TTI1: variants seen among roughly 807,000 people sequenced by gnomAD.
TTI1 encodes the protein TELO2-interacting protein 1 homolog.
TTI1 carries 52 observed loss-of-function variants against 85.4 expected under a neutral mutation model. The observed-to-expected ratio is 0.61, with a 90% CI of 0.49 to 0.77. TTI1 has a LOEUF of 0.77. TTI1 is among the 30% of genes least tolerant of loss of function. The pLI, the probability that TTI1 is intolerant of heterozygous loss-of-function variation, is 0.00. For missense variants in TTI1, 1,173 were observed against 1,296.0 expected (o/e 0.91, Z 1.46); for synonymous variants, 512 against 503.9 (o/e 1.02, Z -0.22).
rs148156705 is a variant in TTI1 at position 37,988,981 on chromosome 20, C to T, written c.3087-5342G>A. Among the ~76,000 whole-genome samples the T allele has an allele frequency of 6.8e-3, 1,034 of 152,258 alleles. 10 individuals are homozygous for T. Among genetic ancestry groups the T allele is most frequent in the African/African-American group, 0.023 (961 of 41,538 alleles). On this transcript the variant is annotated intron_variant, in intron 7 of 7. Transcript: ENST00000373447. Reference sequence around the variant, plus strand: ...TGCTCAGGGTGTTGATGCGTCCTAGCCAGCAAGCAGTGGGGCTATGTTTCT... The same window carrying T: ...TGCTCAGGGTGTTGATGCGTCCTAGTCAGCAAGCAGTGGGGCTATGTTTCT...
Position 38,004,779 on chromosome 20 carries a change from T to C in TTI1, c.2503+1418A>G, listed in dbSNP as rs966357969. ...AACTAACACCAGAAGATCCTAATCATGAAGGAATGGATTCACTGACAGTGC... is the reference window on the plus strand; with the variant it reads ...AACTAACACCAGAAGATCCTAATCACGAAGGAATGGATTCACTGACAGTGC... On this transcript the variant is annotated intron_variant, in intron 3 of 7. Coordinates refer to ENST00000373447, the MANE Select transcript of TTI1 (RefSeq NM_001303457.2). 2.6e-5 allele frequency among the ~76,000 whole-genome samples: 4 copies of C among 152,236 alleles called. No homozygotes were observed. In the South Asian group the frequency reaches 6.2e-4, roughly 24 times the overall value.
At chr20:38,010,251 T>A (rs986639011) in intron 2 of TTI1, among the ~76,000 whole-genome samples, 7 of 152,188 alleles carry the variant, frequency 4.6e-5, no homozygotes, top group Non-Finnish European at 8.8e-5. Context: ...ATGAGAATGT[T>A]TCTTACAAGG....
At chr20:38,025,998 G>A (rs1306955981) in intron 1 of TTI1, among the ~76,000 whole-genome samples, 1 of 152,134 alleles carries the variant, frequency 6.6e-6, no homozygotes, top group African/African-American at 2.4e-5. Flanking sequence ...AATAATGGCT[G>A]AAAACGCCAC....
chr20:37,983,411 G>A lies in TTI1; in HGVS notation c.*45C>T. 6.3e-7 allele frequency: 1 copy of A among 1,580,868 alleles called. No individual in the cohort carries two copies. The highest frequency in any genetic ancestry group is 8.6e-7 in the Non-Finnish European group (1 of 1,166,140). ...GGTGGGGTCAGCCCAGCTTCTGGCT[G>A]GCAGTAGGGGAGGGATCGGTGGCCT... On this transcript the variant is annotated 3_prime_UTR_variant, in exon 8 of 8. Coordinates refer to ENST00000373447, the MANE Select transcript of TTI1 (RefSeq NM_001303457.2).
At chr20:38,005,159 A>T (rs997654224) in intron 3 of TTI1, among the ~76,000 whole-genome samples, 11 of 152,204 alleles carry the variant, frequency 7.2e-5, no homozygotes, top group Non-Finnish European at 1.5e-4. Flanking sequence ...AAAAGGAGGA[A>T]AAAAACAAAA....
At chr20:37,995,608 C>A (rs2073327342) in intron 7 of TTI1, among the ~76,000 whole-genome samples, 1 of 152,248 alleles carries the variant, frequency 6.6e-6, no homozygotes, top group Non-Finnish European at 1.5e-5. Context: ...AGGCTGCTCC[C>A]ACCTGGAAGG....
chr20:37,999,365 T>G (rs1192220062), intron 4 of TTI1, 37 bp from the exon 5 acceptor site: 15 of 1,347,216 alleles, frequency 1.1e-5, no homozygotes, highest in Non-Finnish European at 1.3e-5. Context: ...GGTATAGGCT[T>G]GAAAACAGAT....
rs141096389 is a variant in TTI1 at position 37,988,837 on chromosome 20, G to A, written c.3087-5198C>T. On this transcript the variant is annotated intron_variant, in intron 7 of 7. Transcript: ENST00000373447. Reference sequence around the variant, plus strand: ...ACTAAGTTATTTTGGTGTTCCCGTTGTTCCCTCTCTGGCAGCACAGCCTCC... The same window carrying A: ...ACTAAGTTATTTTGGTGTTCCCGTTATTCCCTCTCTGGCAGCACAGCCTCC... Among the ~76,000 whole-genome samples the A allele has an allele frequency of 8.0e-3, 1,217 of 152,254 alleles. 6 individuals carry two copies. The highest frequency in any genetic ancestry group is 0.023 in the African/African-American group (951 of 41,546).
intron 5 of TTI1, 90 bp from the exon 6 acceptor site, chr20:37,997,043 C>A (rs1436954390): frequency 7.2e-7 from 1 of 1,389,370 alleles, no homozygotes; most frequent in Non-Finnish European, 9.8e-7. Flanking sequence ...TCATCTAGGT[C>A]TCTGCTTGGG....
intron 1 of TTI1, among the ~76,000 whole-genome samples, chr20:38,017,560 T>C (rs1032581193): frequency 6.6e-6 from 1 of 152,098 alleles, no homozygotes; most frequent in Non-Finnish European, 1.5e-5. Context: ...GATGGTCACC[T>C]GGGGCTGGAC....
rs140562557 is a variant in TTI1, at chr20:37,995,965, C to T, written c.3086+410G>A. 9.1e-4 allele frequency among the ~76,000 whole-genome samples: 138 copies of T among 152,308 alleles called. 1 individual carries two copies. Among genetic ancestry groups the T allele is most frequent in the Middle Eastern group, 6.8e-3 (2 of 294 alleles). The stretch of plus-strand genomic sequence containing the variant: ...CTTGTGAGGGTTCATGGCACCGATG[C>T]CCATCTAAGACCTGCCGTGGAGTCG... On this transcript the variant is annotated intron_variant, in intron 7 of 7. Coordinates refer to ENST00000373447, the MANE Select transcript of TTI1 (RefSeq NM_001303457.2).
intron 2 of TTI1, among the ~76,000 whole-genome samples, chr20:38,009,037 G>A (rs2073542294): frequency 6.6e-6 from 1 of 151,946 alleles, no homozygotes; most frequent in South Asian, 2.1e-4. Flanking sequence ...TCCTCCTTCA[G>A]AGATGACCGA....
At chr20:37,999,665 G>T (rs781005712) in intron 4 of TTI1, among the ~76,000 whole-genome samples, 3 of 152,192 alleles carry the variant, frequency 2.0e-5, no homozygotes, top group Non-Finnish European at 2.9e-5. Flanking sequence ...TGTTGGGAAG[G>T]CTTCGCTGGG....
chr20:38,012,145 T>C lies in TTI1; in HGVS notation c.1672A>G (p.Thr558Ala), dbSNP rs1034635684. ...CTTGTGTATTCTTCAAGTATAGATG[T>C]CACAATCTCTCTCAGTTCTTCTGGG... is the stretch of plus-strand genomic sequence containing the variant. ...TNPEELREIVTSILEEYTSQE... is the reference protein window; with the variant it reads ...TNPEELREIVASILEEYTSQE... Residue 558 changes from threonine to alanine, a missense_variant, in exon 2 of 8, where the codon ACA becomes GCA. Thr to Ala is a moderately conservative substitution (Grantham distance 58). Coordinates refer to ENST00000373447, the MANE Select transcript of TTI1 (RefSeq NM_001303457.2). 8 of 1,614,200 alleles carry C rather than the reference T, an allele frequency of 5.0e-6. No individual in the cohort carries two copies. Among genetic ancestry groups the C allele is most frequent in the Non-Finnish European group, 6.8e-6 (8 of 1,180,040 alleles).
intron 4 of TTI1, chr20:38,000,519 C>T (rs908189132): frequency 1.9e-5 from 3 of 155,024 alleles, no homozygotes; most frequent in African/African-American, 7.2e-5. Flanking sequence ...GGACGCCCAA[C>T]CTTCACAGGG....
intron 1 of TTI1, among the ~76,000 whole-genome samples, chr20:38,028,346 T>C (rs952316896): frequency 6.6e-6 from 1 of 152,184 alleles, no homozygotes; most frequent in Admixed American, 6.5e-5. Context: ...TATTATCATG[T>C]AAGCATTAAT....
intron 1 of TTI1, among the ~76,000 whole-genome samples, chr20:38,014,195 G>A (rs986579945): frequency 2.0e-5 from 3 of 152,108 alleles, no homozygotes; most frequent in East Asian, 1.9e-4. Context: ...TCAGGAGTTC[G>A]GATTTTAACC....
chr20:38,013,263 C>A lies in TTI1; in HGVS notation c.554G>T (p.Cys185Phe), dbSNP rs764940163. The change falls in exon 2 of 8, where the codon TGT (cysteine) becomes TTT (phenylalanine). Residue 185 changes from cysteine to phenylalanine, a missense_variant. By Grantham distance (205) the Cys-to-Phe change is radical (BLOSUM62 -2). Transcript: ENST00000373447. The part of the protein sequence containing the change: ...LKCLQVLLLQ[C>F]DCQDHPRSLD... ...TGACCTTGGATGGTCCTGACAATCACACTGCAAGAGTAGAACCTGTAAACA... is the reference window on the plus strand; with the variant it reads ...TGACCTTGGATGGTCCTGACAATCAAACTGCAAGAGTAGAACCTGTAAACA... The A allele has an allele frequency of 1.2e-6, 2 of 1,614,080 alleles. No individual in the cohort carries two copies. The highest frequency in any genetic ancestry group is 3.3e-5 in the Admixed American group (2 of 60,024).
intron 7 of TTI1, 86 bp from the exon 8 acceptor site, chr20:37,983,725 A>C: frequency 1.6e-6 from 2 of 1,223,980 alleles, no homozygotes; most frequent in Non-Finnish European, 2.1e-6. Flanking sequence ...GCTGTTTACC[A>C]GGCTATTTGA....
Sources: allele counts gnomAD v4.1 joint callset (sites outside exome capture counted in the v4.1 genomes callset), GRCh38; gene constraint gnomAD v4.1.1; transcripts MANE v1.5; gene names NCBI Gene and HGNC (gene_info 2026-07-23, HGNC 2026-07-21).